The following MAD1L1 variants were observed in gnomAD, a reference collection of about 807,000 sequenced individuals.
MAD1L1 encodes mitotic spindle assembly checkpoint protein MAD1.
In MAD1L1, 95 loss-of-function variants were observed where a neutral mutation model predicts 96.9. The observed-to-expected ratio is 0.98, with a 90% CI of 0.83 to 1.16. MAD1L1 has a LOEUF of 1.16. Ranked by LOEUF, MAD1L1 falls within the 50% of genes most tolerant of loss-of-function variation. The probability of loss-of-function intolerance (pLI) is 0.00; values close to 1 mark genes in which losing one functional copy is unlikely to be tolerated. For synonymous variants in MAD1L1, 473 were observed against 396.6 expected, an observed-to-expected ratio of 1.19 and a Z score of -2.29; for missense variants, 1,007 against 954.4, an observed-to-expected ratio of 1.06 and a Z score of -0.73.
chr7:1,888,625 T>C (rs999211674), intron 18 of MAD1L1, among the ~76,000 whole-genome samples: 3 of 152,054 alleles, frequency 2.0e-5, no homozygotes, highest in African/African-American at 7.2e-5. Flanking sequence ...TGAGCATGCA[T>C]GCGTGCATGT....
In MAD1L1 at chr7:1,920,056, C is replaced by T. The variant is rs548210383; in HGVS notation, c.1807+16631G>A. On this transcript the variant is annotated intron_variant, in intron 17 of 18. Transcript: ENST00000265854. ...GTCCCCAGGAGGGCGCACAGCAGGG[C>T]TGCAGCAGCGTTAGGAGACAGCAAC... 7.4e-4 allele frequency among the ~76,000 whole-genome samples: 113 copies of T among 152,112 alleles called. 1 individual carries two copies. The highest frequency in any genetic ancestry group is 3.4e-3 in the Middle Eastern group (1 of 294).
chr7:1,881,561 TACA>T (rs1254642572), intron 18 of MAD1L1, among the ~76,000 whole-genome samples: 3 of 152,200 alleles, frequency 2.0e-5, no homozygotes, highest in Admixed American at 6.5e-5. Context: ...CTAAATGTCC[TACA>T]ACAAGGAAAT....
At chr7:1,932,471 T>A (rs771297703) in intron 17 of MAD1L1, among the ~76,000 whole-genome samples, 2 of 152,244 alleles carry the variant, frequency 1.3e-5, no homozygotes, top group Non-Finnish European at 2.9e-5. Context: ...CAGATGCCCG[T>A]ACTTCTTCCT....
At chr7:2,029,175 A>C (rs1783109161) in intron 12 of MAD1L1, among the ~76,000 whole-genome samples, 2 of 152,238 alleles carry the variant, frequency 1.3e-5, no homozygotes, top group Admixed American at 6.5e-5. Flanking sequence ...AGATGATATA[A>C]TCTCCCATTC....
intron 18 of MAD1L1, among the ~76,000 whole-genome samples, chr7:1,839,311 TCTGCCTCCTGCCTGGCAGGAAAGCGTC>T (rs1157354240): frequency 2.0e-5 from 3 of 150,524 alleles, no homozygotes; most frequent in Non-Finnish European, 4.4e-5. Flanking sequence ...CAGGGAGGGC[TCTGCCTCCTGCCTGGCAGGAAAGCGTC>T]CTGCCCCCTG....
intron 17 of MAD1L1, among the ~76,000 whole-genome samples, chr7:1,928,637 A>G (rs1293706248): frequency 6.6e-6 from 1 of 152,176 alleles, no homozygotes; most frequent in South Asian, 2.1e-4. Context: ...ACAGGGCTGG[A>G]GCCCCTGCAC....
At chr7:1,881,290 GC>G (rs1785666548) in intron 18 of MAD1L1, among the ~76,000 whole-genome samples, 1 of 152,202 alleles carries the variant, frequency 6.6e-6, no homozygotes. Flanking sequence ...GGAACACTAA[GC>G]TTGTGGGAGT....
chr7:2,227,089 T>A (rs1428247626), intron 3 of MAD1L1, among the ~76,000 whole-genome samples: 1 of 150,150 alleles, frequency 6.7e-6, no homozygotes, highest in African/African-American at 2.5e-5. Context: ...AGGTCAGGAG[T>A]TTGAGACCAG....
At chr7:1,948,559 C>T (rs1471143271) in intron 16 of MAD1L1, among the ~76,000 whole-genome samples, 1 of 152,228 alleles carries the variant, frequency 6.6e-6, no homozygotes, top group Non-Finnish European at 1.5e-5. Context: ...TGCTGGGCAG[C>T]TCCACGTGAA....
chr7:2,162,708 CA>C (rs200992128), intron 10 of MAD1L1, among the ~76,000 whole-genome samples: 28,319 of 96,146 alleles, frequency 0.29, 2,982 homozygotes, highest in Middle Eastern at 0.37. Flanking sequence ...CCACCACTCA[CA>C]AAAAAAAAAA....
At chr7:2,054,192 T>C (rs1784299599) in intron 12 of MAD1L1, among the ~76,000 whole-genome samples, 1 of 152,140 alleles carries the variant, frequency 6.6e-6, no homozygotes, top group Non-Finnish European at 1.5e-5. Context: ...GTCCCACCCA[T>C]GGGCGGGTGG....
intron 17 of MAD1L1, among the ~76,000 whole-genome samples, chr7:1,907,527 C>G (rs536455014): frequency 1.3e-5 from 2 of 152,392 alleles, no homozygotes. Flanking sequence ...GAGGACAATC[C>G]TACTCGGCGT....
At chr7:1,849,071 C>CACGG (rs1554271742) in intron 18 of MAD1L1, 5,048 of 149,838 alleles carry the variant, frequency 0.034, 113 homozygotes, top group Non-Finnish European at 0.053. Flanking sequence ...CACACACACA[C>CACGG]ACAAATGCAC....
intron 10 of MAD1L1, among the ~76,000 whole-genome samples, chr7:2,153,172 A>G (rs368822198): frequency 5.9e-5 from 9 of 152,216 alleles, no homozygotes; most frequent in African/African-American, 2.2e-4. Flanking sequence ...CAACAAAAAC[A>G]AAAATAGACA....
intron 18 of MAD1L1, among the ~76,000 whole-genome samples, chr7:1,820,904 A>ACC (rs762314027): frequency 3.3e-5 from 5 of 151,998 alleles, no homozygotes; most frequent in South Asian, 2.1e-4. Context: ...ACACAGTGAA[A>ACC]CCCCATCTCT....
intron 11 of MAD1L1, among the ~76,000 whole-genome samples, chr7:2,092,647 T>C (rs1379419233): frequency 6.6e-6 from 1 of 152,200 alleles, no homozygotes; most frequent in Non-Finnish European, 1.5e-5. Flanking sequence ...TTGCCTGTTT[T>C]CCTATTATTG....
At chr7:1,841,235 A>C (rs1272314660) in intron 18 of MAD1L1, among the ~76,000 whole-genome samples, 1 of 152,192 alleles carries the variant, frequency 6.6e-6, no homozygotes, top group Non-Finnish European at 1.5e-5. Context: ...CCCGTAAGTG[A>C]CAAGACTTTG....
chr7:1,894,429 T>C (rs559891631), intron 18 of MAD1L1, among the ~76,000 whole-genome samples: 10 of 152,292 alleles, frequency 6.6e-5, no homozygotes, highest in African/African-American at 2.2e-4. Flanking sequence ...GGGTGCACCG[T>C]GGGCTGGAGC....
chr7:2,212,115 C>T (rs145248664), intron 10 of MAD1L1, among the ~76,000 whole-genome samples: 197 of 152,342 alleles, frequency 1.3e-3, no homozygotes, highest in African/African-American at 4.6e-3. Context: ...GGCACCGCGA[C>T]TGAAGGGCAG....
Sources: allele counts gnomAD v4.1 joint callset (sites outside exome capture counted in the v4.1 genomes callset), GRCh38; gene constraint gnomAD v4.1.1; transcripts MANE v1.5; gene names NCBI Gene and HGNC (gene_info 2026-07-23, HGNC 2026-07-21).